RAD51: variants seen among roughly 807,000 people sequenced by gnomAD.
RAD51 encodes the protein RAD51 recombinase.
RAD51 carries 14 observed loss-of-function variants against 41.5 expected under a neutral mutation model. That is an observed-to-expected ratio of 0.34 (90% CI 0.22 to 0.53). The LOEUF is 0.53. RAD51 is among the 20% of genes least tolerant of loss of function. The probability of loss-of-function intolerance (pLI) is 0.95; values close to 1 mark genes in which losing one functional copy is unlikely to be tolerated. For synonymous variants in RAD51, 136 were observed against 148.6 expected (o/e 0.92, Z 0.62); for missense variants, 234 against 422.0 (o/e 0.55, Z 3.90).
intron 6 of RAD51, among the ~76,000 whole-genome samples, chr15:40,722,073 A>T (rs1276548057): frequency 6.6e-6 from 1 of 152,170 alleles, no homozygotes; most frequent in Non-Finnish European, 1.5e-5. Flanking sequence ...AACATCCACT[A>T]ACCTTCAGGG....
intron 6 of RAD51, among the ~76,000 whole-genome samples, chr15:40,719,458 A>T (rs1896158651): frequency 6.6e-6 from 1 of 152,188 alleles, no homozygotes; most frequent in South Asian, 2.1e-4. Flanking sequence ...AAGTAAAAGA[A>T]TGGAGAAAGA....
chr15:40,699,954 G>A (rs1894880766), intron 2 of RAD51, among the ~76,000 whole-genome samples: 1 of 151,720 alleles, frequency 6.6e-6, no homozygotes, highest in African/African-American at 2.4e-5. Context: ...CAAGACTCTA[G>A]AAGTTAGGAG....
In RAD51 at chr15:40,725,220, T is replaced by G. The variant is rs545721104; in HGVS notation, c.531-3491T>G. Among the ~76,000 whole-genome samples, 34 of 152,142 alleles carry G rather than the reference T, an allele frequency of 2.2e-4. 1 individual carries two copies. The East Asian group carries it at 6.6e-3, about 29-fold the overall frequency. On this transcript the variant is annotated intron_variant, in intron 6 of 9. Coordinates refer to ENST00000267868, the MANE Select transcript of RAD51 (RefSeq NM_002875.5). The stretch of plus-strand genomic sequence containing the variant: ...GGCCTATTTCTTATTTTTGTAGAGA[T>G]GAGGTCTTGCTGTGTTGCCCAGGCT...
chr15:40,726,019 C>T (rs1896562034), intron 6 of RAD51, among the ~76,000 whole-genome samples: 1 of 151,972 alleles, frequency 6.6e-6, no homozygotes, highest in South Asian at 2.1e-4. Flanking sequence ...AATGCAAGCT[C>T]TCCAGGTAAT....
Position 40,729,918 on chromosome 15 carries a change from T to C in RAD51, c.840T>C (p.Ala280=). 6.2e-7 allele frequency: 1 copy of C among 1,614,204 alleles called. No individual in the cohort carries two copies. Among genetic ancestry groups the C allele is most frequent in the South Asian group, 1.1e-5 (1 of 91,086 alleles). Residue 280 remains alanine, a synonymous_variant, in exon 9 of 10, where the codon GCT becomes GCC. Coordinates refer to ENST00000267868, the MANE Select transcript of RAD51 (RefSeq NM_002875.5). ...AAGTGGATGGAGCAGCGATGTTTGC[T>C]GCTGATCCCAAAAAACCTATTGGAG... ...VAQVDGAAMF[A]ADPKKPIGGN...
At chr15:40,721,429 G>A (rs992505431) in intron 6 of RAD51, among the ~76,000 whole-genome samples, 2 of 152,164 alleles carry the variant, frequency 1.3e-5, no homozygotes, top group Non-Finnish European at 1.5e-5. Context: ...GATGGCATAT[G>A]GATAAATATG....
chr15:40,710,001 G>A (rs1219517271), intron 5 of RAD51, among the ~76,000 whole-genome samples: 1 of 151,950 alleles, frequency 6.6e-6, no homozygotes, highest in African/African-American at 2.4e-5. Context: ...CCAGCACTTT[G>A]GGAGGCCGAG....
At chr15:40,695,857 T>C (rs1342741909) in intron 1 of RAD51, 1 of 152,188 alleles carries the variant, frequency 6.6e-6, no homozygotes, top group African/African-American at 2.4e-5. Flanking sequence ...GAGAATGATC[T>C]GAAGTGAGGT....
At position 40,731,588 on chromosome 15, in the gene RAD51, A is replaced by C; in HGVS notation, c.*410A>C. On this transcript the variant is annotated 3_prime_UTR_variant, in exon 10 of 10. Coordinates refer to ENST00000267868, the MANE Select transcript of RAD51 (RefSeq NM_002875.5). ...AAATAAAATGCCTCAGCTATGTAGC[A>C]AAGGGAATGGGTCTGCACAGATTCT... The C allele has an allele frequency of 3.1e-6, 1 of 325,720 alleles. No homozygotes were observed. Among genetic ancestry groups the C allele is most frequent in the Non-Finnish European group, 5.7e-6 (1 of 174,282 alleles). 20.2% of individuals were successfully genotyped at this position (325,720 alleles called of 1,614,324 possible).
chr15:40,696,814 G>A (rs1216531073), intron 1 of RAD51, among the ~76,000 whole-genome samples: 1 of 151,760 alleles, frequency 6.6e-6, no homozygotes, highest in East Asian at 1.9e-4. Context: ...TGGTTACACA[G>A]TAATGTCTTA....
At chr15:40,710,362 C>T (rs539808276) in intron 5 of RAD51, among the ~76,000 whole-genome samples, 61 of 149,596 alleles carry the variant, frequency 4.1e-4, no homozygotes, top group African/African-American at 1.2e-3. Context: ...ATTAGCTGGG[C>T]GTGTTGGCAC....
chr15:40,714,740 T>A (rs1488875615), intron 5 of RAD51, among the ~76,000 whole-genome samples: 2 of 152,244 alleles, frequency 1.3e-5, no homozygotes, highest in African/African-American at 4.8e-5. Context: ...TATTATCTAC[T>A]CTCATTTGTT....
intron 4 of RAD51, among the ~76,000 whole-genome samples, 156 bp downstream of exon 4, chr15:40,706,450 A>C (rs1895344778): frequency 6.6e-6 from 1 of 152,268 alleles, no homozygotes; most frequent in African/African-American, 2.4e-5. Flanking sequence ...TAATCTCAGC[A>C]CTTTGGGAGG....
At chr15:40,707,703 TTTG>T (rs1362229303) in intron 4 of RAD51, among the ~76,000 whole-genome samples, 1 of 152,042 alleles carries the variant, frequency 6.6e-6, no homozygotes, top group African/African-American at 2.4e-5. Context: ...TATGTTTTTT[TTTG>T]TTGTTGTTGG....
intron 1 of RAD51, among the ~76,000 whole-genome samples, chr15:40,696,233 A>G (rs1418665107): frequency 6.6e-6 from 1 of 152,186 alleles, no homozygotes; most frequent in African/African-American, 2.4e-5. Flanking sequence ...TGTAATATAC[A>G]TGTAGAAAAA....
At chr15:40,712,311 G>A (rs1488475136) in intron 5 of RAD51, among the ~76,000 whole-genome samples, 2 of 152,172 alleles carry the variant, frequency 1.3e-5, no homozygotes, top group African/African-American at 2.4e-5. Context: ...GGGGAAGACA[G>A]TTTTGTTGGA....
At chr15:40,707,900 T>C (rs543183385) in intron 4 of RAD51, among the ~76,000 whole-genome samples, 2 of 151,658 alleles carry the variant, frequency 1.3e-5, no homozygotes, top group Non-Finnish European at 2.9e-5. Context: ...GTATTTTTAG[T>C]AGAGACGGGA....
At chr15:40,709,535 G>A (rs1048343572) in intron 5 of RAD51, among the ~76,000 whole-genome samples, 6 of 151,658 alleles carry the variant, frequency 4.0e-5, no homozygotes, top group Admixed American at 3.3e-4. Flanking sequence ...CAGCATGCCC[G>A]GCTAATTTTT....
chr15:40,703,829 A>G (rs771963174), intron 3 of RAD51, among the ~76,000 whole-genome samples: 4 of 151,482 alleles, frequency 2.6e-5, no homozygotes, highest in Admixed American at 2.6e-4. Flanking sequence ...AATAGTTTCT[A>G]CCCTAACCTG....
Sources: allele counts gnomAD v4.1 joint callset (sites outside exome capture counted in the v4.1 genomes callset), GRCh38; gene constraint gnomAD v4.1.1; transcripts MANE v1.5; gene names NCBI Gene and HGNC (gene_info 2026-07-23, HGNC 2026-07-21).